The following SMAD2 variants were observed in gnomAD, a reference collection of about 807,000 sequenced individuals.
The protein encoded by SMAD2 is MAD homolog 2.
SMAD2 carries 8 observed loss-of-function variants against 64.4 expected under a neutral mutation model. The observed-to-expected ratio is 0.12, with a 90% CI of 0.07 to 0.22. The LOEUF is 0.22. SMAD2 is among the 10% of genes least tolerant of loss of function. The pLI, the probability that SMAD2 is intolerant of heterozygous loss-of-function variation, is 1.00. For missense variants in SMAD2, 289 were observed against 561.2 expected (o/e 0.51, Z 4.90); for synonymous variants, 203 against 195.8 (o/e 1.04, Z -0.31).
In SMAD2 at chr18:47,885,423, C is replaced by T. The variant is rs550183146; in HGVS notation, c.236+11098G>A. 2.0e-5 allele frequency among the ~76,000 whole-genome samples: 3 copies of T among 152,248 alleles called. No homozygotes were observed. In the East Asian group the frequency reaches 5.8e-4, roughly 29 times the overall value. ...CCTCAAGTGACCCACCTGCCTCAGC[C>T]TCCCAAAGTGCTGGGATTAAAGGCA... On this transcript the variant is annotated intron_variant, in intron 2 of 10. Transcript: ENST00000262160.
intron 6 of SMAD2, among the ~76,000 whole-genome samples, chr18:47,864,848 A>G (rs1041152772): frequency 6.6e-6 from 1 of 152,170 alleles, no homozygotes; most frequent in Non-Finnish European, 1.5e-5. Context: ...AAAAATAACA[A>G]TTATTCTGCA....
At chr18:47,852,004 C>G (rs975542170) in intron 6 of SMAD2, among the ~76,000 whole-genome samples, 1 of 152,090 alleles carries the variant, frequency 6.6e-6, no homozygotes, top group African/African-American at 2.4e-5. Context: ...CCAGTCACAA[C>G]ATAGTAAAGG....
At position 47,824,337 on chromosome 18, in the gene SMAD2, C is replaced by T. The variant is rs1912675340; in HGVS notation, c.*17490G>A. The T allele has an allele frequency of 6.6e-6, 1 of 152,196 alleles. No individual in the cohort carries two copies. The highest frequency in any genetic ancestry group is 6.5e-5 in the Admixed American group (1 of 15,272). The allele number at this position is 152,196 out of a possible 1,614,324, so 9.4% of individuals were successfully genotyped here. On this transcript the variant is annotated 3_prime_UTR_variant, in exon 11 of 11. Coordinates refer to ENST00000262160, the MANE Select transcript of SMAD2 (RefSeq NM_005901.6). ...AGCTTGCACAAACACTATTCGCAAC[C>T]TTACACAGAAAATACTTTTGGGACA...
At chr18:47,851,386 C>T (rs1412762272) in intron 6 of SMAD2, 59 bp from the exon 7 acceptor site, 16 of 1,080,374 alleles carry the variant, frequency 1.5e-5, no homozygotes, top group Non-Finnish European at 2.1e-5. Flanking sequence ...ATCAAGTAAT[C>T]ATAAAACTAG....
rs1913927229 is a variant in SMAD2 at position 47,841,256 on chromosome 18, A to G, written c.*571T>C. The G allele has an allele frequency of 4.3e-6, 1 of 233,636 alleles. No individual in the cohort carries two copies. The highest frequency in any genetic ancestry group is 6.0e-5 in the East Asian group (1 of 16,586). The allele number at this position is 233,636 out of a possible 1,614,324, so 14.5% of individuals were successfully genotyped here. On this transcript the variant is annotated 3_prime_UTR_variant, in exon 11 of 11. Coordinates refer to ENST00000262160, the MANE Select transcript of SMAD2 (RefSeq NM_005901.6). ...AAGTTAATCCACTTTTCTTCCCCCA[A>G]GAGTTTATTTTTGGTAAAAGGCAGA...
rs78438510 is a variant in SMAD2, at chr18:47,837,076, C to G, written c.*4751G>C. The G allele has an allele frequency of 0.011, 2,179 of 203,634 alleles. 52 individuals are homozygous for G. The highest frequency in any genetic ancestry group is 0.046 in the African/African-American group (2,024 of 43,830). 12.6% of individuals were successfully genotyped at this position (203,634 alleles called of 1,614,324 possible). On this transcript the variant is annotated 3_prime_UTR_variant, in exon 11 of 11. Coordinates refer to ENST00000262160, the MANE Select transcript of SMAD2 (RefSeq NM_005901.6). ...TGTCAGAAAAGTTCATAATCTTAAA[C>G]ATAATTTATGCCATTTGCCAGTCAC...
In SMAD2 at chr18:47,836,112, T is replaced by A. The variant is rs1272552110; in HGVS notation, c.*5715A>T. 1 of 217,460 alleles carries A rather than the reference T, an allele frequency of 4.6e-6. No homozygotes were observed. The highest frequency in any genetic ancestry group is 9.2e-6 in the Non-Finnish European group (1 of 108,258). The allele number at this position is 217,460 out of a possible 1,614,324, so 13.5% of individuals were successfully genotyped here. A position where few individuals can be genotyped will look rare whatever the true frequency, so the allele number is the denominator to read the frequency against. ...AGCGAGATCACCTGTGGGTCAAGGA[T>A]GGCCCAGAGAATCTTGGAAAATCCA... is the stretch of plus-strand genomic sequence containing the variant. On this transcript the variant is annotated 3_prime_UTR_variant, in exon 11 of 11. Transcript: ENST00000262160.
intron 1 of SMAD2, among the ~76,000 whole-genome samples, chr18:47,898,471 A>C (rs1018024519): frequency 6.6e-6 from 1 of 152,232 alleles, no homozygotes; most frequent in African/African-American, 2.4e-5. Flanking sequence ...ACAGTTTTTA[A>C]GCACACTTTG....
chr18:47,867,968 G>C (rs1419983161), intron 5 of SMAD2, among the ~76,000 whole-genome samples: 1 of 152,156 alleles, frequency 6.6e-6, no homozygotes, highest in Non-Finnish European at 1.5e-5. Flanking sequence ...AGTTACATGT[G>C]TTTGGGGGGT....
At position 47,816,302 on chromosome 18, in the gene SMAD2, T is replaced by C. The variant is rs567227079; in HGVS notation, c.*25525A>G. Reference sequence around the variant, plus strand: ...AAAGATTTTTATAAATTATACACAATTGGGTAGCTTTAAAAAATACCAAAA... The same window carrying C: ...AAAGATTTTTATAAATTATACACAACTGGGTAGCTTTAAAAAATACCAAAA... On this transcript the variant is annotated 3_prime_UTR_variant, in exon 11 of 11. Coordinates refer to ENST00000262160, the MANE Select transcript of SMAD2 (RefSeq NM_005901.6). The C allele has an allele frequency of 1.3e-3, 203 of 152,320 alleles. No individual in the cohort carries two copies. The highest frequency in any genetic ancestry group is 4.5e-3 in the African/African-American group (189 of 41,566). The allele number at this position is 152,320 out of a possible 1,614,324, so 9.4% of individuals were successfully genotyped here.
At chr18:47,891,283 C>T (rs574312859) in intron 2 of SMAD2, among the ~76,000 whole-genome samples, 1 of 152,234 alleles carries the variant, frequency 6.6e-6, no homozygotes, top group South Asian at 2.1e-4. Flanking sequence ...GCAGCCTGGG[C>T]AGTAAGAGCA....
intron 2 of SMAD2, among the ~76,000 whole-genome samples, chr18:47,874,267 T>A (rs1015046331): frequency 1.3e-5 from 2 of 152,160 alleles, no homozygotes; most frequent in Non-Finnish European, 2.9e-5. Flanking sequence ...TACTGACCCA[T>A]GGATGAATCT....
At position 47,839,383 on chromosome 18, in the gene SMAD2, C is replaced by A. The variant is rs1913732882; in HGVS notation, c.*2444G>T. ...AGTTCTCAAGTAAGAAAAAGAAGGG[C>A]AGAGGCTCCACTGAGTATCTCCTAC... On this transcript the variant is annotated 3_prime_UTR_variant, in exon 11 of 11. Coordinates refer to ENST00000262160, the MANE Select transcript of SMAD2 (RefSeq NM_005901.6). The A allele has an allele frequency of 4.3e-6, 1 of 233,156 alleles. No homozygotes were observed. Among genetic ancestry groups the A allele is most frequent in the African/African-American group, 2.2e-5 (1 of 45,292 alleles). The allele number at this position is 233,156 out of a possible 1,614,324, so 14.4% of individuals were successfully genotyped here.
rs539055708 is a variant in SMAD2 at position 47,909,658 on chromosome 18, G to C, written c.-53-12849C>G. On this transcript the variant is annotated intron_variant, in intron 1 of 10. Coordinates refer to ENST00000262160, the MANE Select transcript of SMAD2 (RefSeq NM_005901.6). ...ATAAAGCTGCTGACCTCCAATCCTT[G>C]AAGGGAAAAGATAAACACCGGCTGC... 3.7e-4 allele frequency among the ~76,000 whole-genome samples: 57 copies of C among 152,276 alleles called. 1 individual carries two copies. The South Asian group carries it at 0.012, about 32-fold the overall frequency.
chr18:47,915,175 C>T (rs1394981154), intron 1 of SMAD2, among the ~76,000 whole-genome samples: 1 of 152,140 alleles, frequency 6.6e-6, no homozygotes, highest in Non-Finnish European at 1.5e-5. Flanking sequence ...ACAGCTAAAG[C>T]CCCCTATGTA....
At chr18:47,880,655 G>A (rs968722868) in intron 2 of SMAD2, among the ~76,000 whole-genome samples, 6 of 152,096 alleles carry the variant, frequency 3.9e-5, no homozygotes, top group African/African-American at 1.4e-4. Flanking sequence ...TCATTATAAA[G>A]GGTCACATTT....
chr18:47,897,942 G>A (rs1469873402), intron 1 of SMAD2, among the ~76,000 whole-genome samples: 1 of 152,170 alleles, frequency 6.6e-6, no homozygotes, highest in Non-Finnish European at 1.5e-5. Flanking sequence ...TTTTTAGAAA[G>A]TAAAGAGGTC....
chr18:47,904,823 C>G (rs977499154), intron 1 of SMAD2, among the ~76,000 whole-genome samples: 2 of 152,146 alleles, frequency 1.3e-5, no homozygotes, highest in Non-Finnish European at 2.9e-5. Context: ...GTTAATTCAA[C>G]ACTCATCTAT....
At chr18:47,913,870 T>G (rs116312407) in intron 1 of SMAD2, among the ~76,000 whole-genome samples, 110 of 152,326 alleles carry the variant, frequency 7.2e-4, no homozygotes, top group African/African-American at 2.5e-3. Context: ...AGACACTATT[T>G]CTAATTCCAG....
Sources: gnomAD v4.1 joint callset for allele counts (sites outside exome capture counted in the v4.1 genomes callset) on GRCh38, gnomAD v4.1.1 for gene constraint, MANE v1.5 for transcripts, NCBI Gene and HGNC (gene_info 2026-07-23, HGNC 2026-07-21) for gene names.